The following SLC14A2 variants were observed in gnomAD, a reference collection of about 807,000 sequenced individuals.
The protein encoded by SLC14A2 is solute carrier family 14 member 2.
SLC14A2 carries 91 observed loss-of-function variants against 104.6 expected under a neutral mutation model. That is an observed-to-expected ratio of 0.87 (90% CI 0.73 to 1.04). The LOEUF is 1.04. SLC14A2 is among the 50% of genes least tolerant of loss of function. The probability of loss-of-function intolerance (pLI) is 0.00; values close to 1 mark genes in which losing one functional copy is unlikely to be tolerated. For missense variants in SLC14A2, 1,189 were observed against 1,156.0 expected (o/e 1.03, Z -0.41); for synonymous variants, 476 against 466.4 (o/e 1.02, Z -0.27).
intron 2 of SLC14A2, among the ~76,000 whole-genome samples, chr18:45,579,831 T>G (rs1599026529): frequency 1.3e-5 from 2 of 152,176 alleles, no homozygotes; most frequent in East Asian, 3.9e-4. Context: ...CTTGGGGGTG[T>G]TGGGAAAGTC....
At chr18:45,396,059 C>G (rs1030414034) in intron 1 of SLC14A2, among the ~76,000 whole-genome samples, 14 of 152,210 alleles carry the variant, frequency 9.2e-5, no homozygotes, top group Admixed American at 2.0e-4. Context: ...AGTATAAAAC[C>G]TTTTTGGTCA....
At chr18:45,465,918 T>C (rs187789336) in intron 1 of SLC14A2, among the ~76,000 whole-genome samples, 5 of 149,422 alleles carry the variant, frequency 3.3e-5, no homozygotes, top group African/African-American at 1.2e-4. Flanking sequence ...AAAAAAAAAG[T>C]GTCCTCCTGA....
intron 1 of SLC14A2, among the ~76,000 whole-genome samples, chr18:45,441,215 T>C (rs999231871): frequency 6.6e-6 from 1 of 152,158 alleles, no homozygotes; most frequent in Non-Finnish European, 1.5e-5. Flanking sequence ...CTTTTTAAAA[T>C]GTAGTTTTAC....
chr18:45,324,623 C>T (rs1300924599), intron 1 of SLC14A2, among the ~76,000 whole-genome samples: 2 of 152,008 alleles, frequency 1.3e-5, no homozygotes, highest in East Asian at 1.9e-4. Flanking sequence ...ACTGGCAGCA[C>T]ATGTAATGCC....
the SLC14A2 span, among the ~76,000 whole-genome samples, chr18:45,172,531 A>G: frequency 2.0e-5 from 3 of 151,910 alleles, no homozygotes; most frequent in African/African-American, 7.3e-5. Context: ...AACTCAATTC[A>G]CTCATTTATT....
intron 1 of SLC14A2, among the ~76,000 whole-genome samples, chr18:45,275,865 T>C (rs1204049671): frequency 6.6e-6 from 1 of 152,120 alleles, no homozygotes; most frequent in Non-Finnish European, 1.5e-5. Flanking sequence ...AAAAAATAAA[T>C]CAATGCAAAA....
chr18:45,566,518 C>CAT (rs2144323828), intron 2 of SLC14A2, among the ~76,000 whole-genome samples: 1 of 6,266 alleles, frequency 1.6e-4, no homozygotes, highest in African/African-American at 2.0e-4. Context: ...CACGCTCGCA[C>CAT]ACACACACAC....
intron 1 of SLC14A2, among the ~76,000 whole-genome samples, chr18:45,236,751 G>T (rs966399191): frequency 2.0e-5 from 3 of 151,754 alleles, no homozygotes; most frequent in Non-Finnish European, 4.4e-5. Flanking sequence ...CTTAAACATT[G>T]TGATTTCCTT....
Position 45,414,757 on chromosome 18 carries a change from AATATAT to A in SLC14A2, c.-124-68442_-124-68437del, listed in dbSNP as rs71177674. ...AGGCACCGAGCGTAAAAAAAAAAAA[AATATAT>A]ATATATATATATATATATATATATA... On this transcript the variant is annotated intron_variant, in intron 1 of 20. Coordinates refer to the SLC14A2 transcript ENST00000586448. 8.3e-3 allele frequency among the ~76,000 whole-genome samples: 630 copies of A among 75,940 alleles called. 20 individuals are homozygous for A. Among genetic ancestry groups the A allele is most frequent in the African/African-American group, 0.035 (456 of 12,950 alleles). 49.8% of individuals were successfully genotyped at this position (75,940 alleles called of 152,430 possible).
chr18:45,646,937 A>G (rs150155875), intron 10 of SLC14A2: 1 of 152,300 alleles, frequency 6.6e-6, no homozygotes, highest in African/African-American at 2.4e-5. Context: ...TGTACAAATG[A>G]GAGTGTCTAT....
At chr18:45,170,840 A>G in the SLC14A2 span, among the ~76,000 whole-genome samples, 1 of 152,154 alleles carries the variant, frequency 6.6e-6, no homozygotes, top group Non-Finnish European at 1.5e-5. Context: ...GAGCAAGTCC[A>G]TCAGTTGTGA....
chr18:45,214,773 A>C (rs1486089584), intron 1 of SLC14A2, among the ~76,000 whole-genome samples: 1 of 152,114 alleles, frequency 6.6e-6, no homozygotes, highest in Non-Finnish European at 1.5e-5. Flanking sequence ...ATGTGTCTAT[A>C]ACATGTCATC....
At chr18:45,348,310 TA>T (rs1276240452) in intron 1 of SLC14A2, among the ~76,000 whole-genome samples, 3 of 152,244 alleles carry the variant, frequency 2.0e-5, no homozygotes, top group Non-Finnish European at 4.4e-5. Context: ...ACGCATGTGT[TA>T]AAAACAAAGT....
At chr18:45,193,628 C>T in the SLC14A2 span, among the ~76,000 whole-genome samples, 3 of 152,124 alleles carry the variant, frequency 2.0e-5, no homozygotes, top group African/African-American at 4.8e-5. Flanking sequence ...TTATAATATA[C>T]CTTGAAATCA....
chr18:45,680,952 G>A (rs2046302499), intron 19 of SLC14A2, among the ~76,000 whole-genome samples: 1 of 152,080 alleles, frequency 6.6e-6, no homozygotes, highest in South Asian at 2.1e-4. Context: ...TCTGGTAGCA[G>A]GCTGTCTTTG....
chr18:45,232,536 G>T (rs147336832), intron 1 of SLC14A2, among the ~76,000 whole-genome samples: 27 of 152,238 alleles, frequency 1.8e-4, no homozygotes, highest in African/African-American at 6.5e-4. Context: ...TAATTCTCTG[G>T]CATTCTAGTG....
intron 1 of SLC14A2, among the ~76,000 whole-genome samples, chr18:45,441,811 C>T (rs1401384982): frequency 6.6e-6 from 1 of 152,116 alleles, no homozygotes; most frequent in Admixed American, 6.5e-5. Flanking sequence ...CATTTGGGGG[C>T]CTCCAGTGCA....
rs1180415915 is a variant in SLC14A2 at position 45,665,816 on chromosome 18, A to C, written c.1475-321A>C. On this transcript the variant is annotated intron_variant, in intron 11 of 19. Transcript: ENST00000255226. ...CTCCAGGCTGCTGTTTCCTCATCTAAAAAATTATCAAGGTTGAGCTAAATG... is the reference window on the plus strand; with the variant it reads ...CTCCAGGCTGCTGTTTCCTCATCTACAAAATTATCAAGGTTGAGCTAAATG... Among the ~76,000 whole-genome samples, 6 of 149,608 alleles carry C rather than the reference A, an allele frequency of 4.0e-5. No individual in the cohort carries two copies. The Admixed American group carries it at 4.1e-4, about 10-fold the overall frequency.
chr18:45,227,102 G>C (rs934555352), intron 1 of SLC14A2, among the ~76,000 whole-genome samples: 11 of 152,162 alleles, frequency 7.2e-5, no homozygotes, highest in South Asian at 2.1e-4. Flanking sequence ...TAGCAGGAAA[G>C]TAAATGCCTT....
Sources: gnomAD v4.1 joint callset for allele counts (sites outside exome capture counted in the v4.1 genomes callset) on GRCh38, gnomAD v4.1.1 for gene constraint, MANE v1.5 for transcripts, NCBI Gene and HGNC (gene_info 2026-07-23, HGNC 2026-07-21) for gene names.